Variants in RANGAP1 observed in about 807,000 individuals in gnomAD.
RANGAP1 encodes the protein Ran GTPase activating protein 1.
Under a neutral mutation model 63.5 loss-of-function variants are expected in RANGAP1, and 38 were observed. That is an observed-to-expected ratio of 0.60 (90% CI 0.46 to 0.78). RANGAP1 has a LOEUF of 0.78. RANGAP1 is among the 30% of genes least tolerant of loss of function. RANGAP1 has a pLI of 0.00. For synonymous variants in RANGAP1, 329 were observed against 310.5 expected, an observed-to-expected ratio of 1.06 and a Z score of -0.63; for missense variants, 630 against 740.3, an observed-to-expected ratio of 0.85 and a Z score of 1.73.
rs781730764 is a variant in RANGAP1, at chr22:41,261,577, G to C, written c.484C>G (p.Leu162Val). Residue 162 changes from leucine (L) to valine (V), a missense_variant, in exon 6 of 16, where the codon CTG becomes GTG. Around this residue, in one of 3 missense-constraint regions of RANGAP1, gnomAD observed 137 missense variants for 214.3 expected, o/e 0.64. Coordinates refer to ENST00000356244, the MANE Select transcript of RANGAP1 (RefSeq NM_002883.4). ...CGMGIGGGKI[L>V]AAALTECHRK... ...TGACATTCGGTCAGAGCTGCAGCCA[G>C]GATCTGTGGGGAAAGGCAAGGGGCC... 5 of 1,614,230 alleles carry C rather than the reference G, an allele frequency of 3.1e-6. No individual in the cohort carries two copies. The highest frequency in any genetic ancestry group is 4.2e-6 in the Non-Finnish European group (5 of 1,180,050).
chr22:41,256,962 G>A (rs189636617), intron 7 of RANGAP1, 138 bp from the exon 8 acceptor site: 107 of 651,112 alleles, frequency 1.6e-4, no homozygotes, highest in Admixed American at 8.4e-4. Context: ...CAGCTTTGCC[G>A]TCTTCTACTT....
chr22:41,294,217 G>T, the RANGAP1 span, among the ~76,000 whole-genome samples: 1 of 152,250 alleles, frequency 6.6e-6, no homozygotes, highest in Non-Finnish European at 1.5e-5. Context: ...ACGCCTGACT[G>T]GTTTTCGTAT....
At chr22:41,266,885 T>A in intron 4 of RANGAP1, among the ~76,000 whole-genome samples, 1 of 90,394 alleles carries the variant, frequency 1.1e-5, no homozygotes, top group Non-Finnish European at 2.3e-5. Context: ...TGAAATGAAT[T>A]TCCTTTTTTT....
chr22:41,268,594 C>A (rs957794835), intron 3 of RANGAP1, among the ~76,000 whole-genome samples: 5 of 152,046 alleles, frequency 3.3e-5, no homozygotes, highest in African/African-American at 9.7e-5. Flanking sequence ...AAAAGCTGGA[C>A]CCATTCTGGC....
chr22:41,250,985 G>T (rs1367136106), intron 13 of RANGAP1, 22 bp downstream of exon 13: 2 of 1,605,772 alleles, frequency 1.2e-6, no homozygotes, highest in Admixed American at 3.4e-5. Flanking sequence ...AGGGCACCCA[G>T]GTCTCACCCA....
At position 41,264,863 on chromosome 22, in the gene RANGAP1, G is replaced by A. The variant is rs753050114; in HGVS notation, c.301-20C>T. On this transcript the variant is annotated intron_variant, in intron 4 of 15. Coordinates refer to ENST00000356244, the MANE Select transcript of RANGAP1 (RefSeq NM_002883.4). ...TGAGATCTGGGCACAGAGGAAGCTC[G>A]TGTCAGTTTCATAGACACCCAGCTT... 12 of 1,584,596 alleles carry A rather than the reference G, an allele frequency of 7.6e-6. No homozygotes were observed. The highest frequency in any genetic ancestry group is 2.3e-5 in the East Asian group (1 of 44,124).
Position 41,258,259 on chromosome 22 carries a change from A to C in RANGAP1, c.616-153T>G, listed in dbSNP as rs1386249190. ...GGGATTTTGGGGCATGGCTGCATCT[A>C]ACTCTTTCCACAACCTCCTGAGGGA... On this transcript the variant is annotated intron_variant, in intron 6 of 15. Transcript: ENST00000356244. 2.0e-5 allele frequency among the ~76,000 whole-genome samples: 3 copies of C among 152,198 alleles called. No homozygotes were observed. In the East Asian group the frequency reaches 5.8e-4, roughly 29 times the overall value.
At chr22:41,278,915 GATC>G (rs2035316337) in intron 2 of RANGAP1, among the ~76,000 whole-genome samples, 1 of 151,940 alleles carries the variant, frequency 6.6e-6, no homozygotes, top group Non-Finnish European at 1.5e-5. Flanking sequence ...GAGGTGAGAG[GATC>G]ATGAGGTCAG....
At position 41,281,091 on chromosome 22, in the gene RANGAP1, G is replaced by C. The variant is rs1176331065; in HGVS notation, c.-38-9C>G. 4 of 1,528,236 alleles carry C rather than the reference G, an allele frequency of 2.6e-6. No individual in the cohort carries two copies. The African/African-American group carries it at 5.5e-5, about 21-fold the overall frequency. 94.7% of individuals were successfully genotyped at this position (1,528,236 alleles called of 1,614,324 possible). On this transcript the variant is annotated splice_polypyrimidine_tract_variant and intron_variant, in intron 1 of 15. Transcript: ENST00000356244. ...CCCTGGAGATCTGCAGACTGAGGAG[G>C]CCAAAGTTGCAGTAAGAAAAAGGAG...
chr22:41,249,705 G>T (rs778747944), intron 14 of RANGAP1, 24 bp downstream of exon 14: 13 of 1,597,786 alleles, frequency 8.1e-6, no homozygotes, highest in South Asian at 1.1e-5. Flanking sequence ...TCCCTCCCGG[G>T]CCTGCTGTTC....
chr22:41,302,311 C>T, the RANGAP1 span, among the ~76,000 whole-genome samples: 1 of 151,620 alleles, frequency 6.6e-6, no homozygotes, highest in Non-Finnish European at 1.5e-5. The surrounding 1 kb of genome is among the most constrained non-coding windows in gnomAD (Gnocchi z 5.7). Context: ...CCGCCCCTTT[C>T]GGCTGCGGCG....
upstream of RANGAP1, among the ~76,000 whole-genome samples, chr22:41,288,247 C>T (rs2035796889): frequency 6.6e-6 from 1 of 152,140 alleles, no homozygotes; most frequent in Admixed American, 6.6e-5. Flanking sequence ...TCTCTCCCTC[C>T]TGCAGGTGCC....
chr22:41,261,636 G>A, intron 5 of RANGAP1, 56 bp from the exon 6 acceptor site: 1 of 1,609,680 alleles, frequency 6.2e-7, no homozygotes, highest in Admixed American at 1.7e-5. Flanking sequence ...CTCCCAGCGG[G>A]GTGGCCACTG....
rs993321040 is a variant in RANGAP1, at chr22:41,277,369, C to T, written c.113-2642G>A. 7.6e-5 allele frequency: 67 copies of T among 886,234 alleles called. No homozygotes were observed. In the East Asian group the frequency reaches 1.4e-3, roughly 18 times the overall value. 54.9% of individuals were successfully genotyped at this position (886,234 alleles called of 1,614,324 possible). On this transcript the variant is annotated intron_variant, in intron 2 of 15. Transcript: ENST00000356244. ...CTGGGATTACAGGCGTGAGCCACCG[C>T]GCCCGGCCGAAAGTGAGGATATATT...
At position 41,246,484 on chromosome 22, in the gene RANGAP1, G is replaced by A. The variant is rs1360470746; in HGVS notation, c.*119C>T. On this transcript the variant is annotated 3_prime_UTR_variant, in exon 16 of 16. Coordinates refer to ENST00000356244, the MANE Select transcript of RANGAP1 (RefSeq NM_002883.4). ...GGACTGACAGGACACATGGGACACAGACCCGCCCTGCCTGTGGCCAGAGTC... is the reference window on the plus strand; with the variant it reads ...GGACTGACAGGACACATGGGACACAAACCCGCCCTGCCTGTGGCCAGAGTC... The A allele has an allele frequency of 4.4e-6, 5 of 1,142,472 alleles. No individual in the cohort carries two copies. Among genetic ancestry groups the A allele is most frequent in the Non-Finnish European group, 5.0e-6 (4 of 797,216 alleles). 70.8% of individuals were successfully genotyped at this position (1,142,472 alleles called of 1,614,324 possible).
At chr22:41,300,696 C>T in the RANGAP1 span, among the ~76,000 whole-genome samples, 4 of 151,400 alleles carry the variant, frequency 2.6e-5, no homozygotes, top group Non-Finnish European at 1.5e-5. Flanking sequence ...GTCTTGAACT[C>T]CTGACCTCAG....
chr22:41,268,348 C>G (rs893457921), intron 3 of RANGAP1, among the ~76,000 whole-genome samples, 192 bp from the exon 4 acceptor site: 1 of 152,056 alleles, frequency 6.6e-6, no homozygotes, highest in Non-Finnish European at 1.5e-5. Flanking sequence ...CTCCACCTCC[C>G]GGGTTCAAGC....
the RANGAP1 span, among the ~76,000 whole-genome samples, chr22:41,296,691 T>C: frequency 6.6e-6 from 1 of 150,810 alleles, no homozygotes; most frequent in Non-Finnish European, 1.5e-5. Flanking sequence ...ATGCTATGCA[T>C]ATAATAACTC....
At chr22:41,298,611 G>A in the RANGAP1 span, among the ~76,000 whole-genome samples, 3 of 147,046 alleles carry the variant, frequency 2.0e-5, no homozygotes, top group Admixed American at 6.7e-5. Flanking sequence ...CACCACGCCC[G>A]GCCTCGGCCT....
Sources: gnomAD v4.1 joint callset for allele counts (sites outside exome capture counted in the v4.1 genomes callset) on GRCh38, gnomAD v4.1.1 for gene constraint, gnomAD v4.1.1 regional missense constraint, Gnocchi (gnomAD v3.1) non-coding constraint, MANE v1.5 for transcripts, NCBI Gene and HGNC (gene_info 2026-07-23, HGNC 2026-07-21) for gene names.